The following SLC25A48 variants were observed in gnomAD, a reference collection of about 807,000 sequenced individuals.
SLC25A48 encodes CTC-321K16.1.
Under a neutral mutation model 32.2 loss-of-function variants are expected in SLC25A48, and 29 were observed. The ratio of observed to expected loss-of-function variants is 0.90; its 90% CI spans 0.67 to 1.23. The LOEUF (loss-of-function observed/expected upper bound fraction) is 1.23. SLC25A48 is among the 50% of genes most tolerant of loss of function. The pLI is 0.00. For missense variants in SLC25A48, 399 were observed against 422.7 expected, an observed-to-expected ratio of 0.94 and a Z score of 0.49; for synonymous variants, 164 against 172.3, an observed-to-expected ratio of 0.95 and a Z score of 0.38.
At chr5:135,737,099 TC>T (rs1381072735) in intron 3 of SLC25A48, among the ~76,000 whole-genome samples, 3 of 152,178 alleles carry the variant, frequency 2.0e-5, no homozygotes, top group African/African-American at 7.2e-5. Flanking sequence ...TTCACTCACG[TC>T]CGTGTGAAGA....
chr5:135,670,789 CTCTG>C (rs1394631586), intron 3 of SLC25A48, among the ~76,000 whole-genome samples: 1 of 152,198 alleles, frequency 6.6e-6, no homozygotes, highest in Non-Finnish European at 1.5e-5. Flanking sequence ...CTTTGCCTGT[CTCTG>C]TCTGTAATTG....
chr5:135,642,729 G>T (rs1752868132), intron 3 of SLC25A48, among the ~76,000 whole-genome samples: 1 of 152,168 alleles, frequency 6.6e-6, no homozygotes, highest in Admixed American at 6.5e-5. Flanking sequence ...TGCAGGAGTG[G>T]TTTGGTCAAA....
intron 2 of SLC25A48, among the ~76,000 whole-genome samples, chr5:135,843,346 C>A (rs775064151): frequency 2.4e-4 from 37 of 152,116 alleles, no homozygotes; most frequent in South Asian, 4.1e-4. Context: ...GTTTAGGAAC[C>A]TGCCCCAGAC....
intron 3 of SLC25A48, among the ~76,000 whole-genome samples, chr5:135,764,544 G>A (rs1271271260): frequency 6.6e-6 from 1 of 151,616 alleles, no homozygotes; most frequent in African/African-American, 2.4e-5. Flanking sequence ...GTGTGATATT[G>A]TTCGTAATAT....
intron 1 of SLC25A48, among the ~76,000 whole-genome samples, chr5:135,600,436 G>A (rs553673774): frequency 6.6e-6 from 1 of 152,260 alleles, no homozygotes; most frequent in Non-Finnish European, 1.5e-5. Flanking sequence ...CTTTTCCACC[G>A]AATGGCTGGG....
chr5:135,695,719 G>A (rs958818687), intron 3 of SLC25A48, among the ~76,000 whole-genome samples: 2 of 152,148 alleles, frequency 1.3e-5, no homozygotes, highest in Non-Finnish European at 2.9e-5. Context: ...GACCCCAGCC[G>A]GAGGACAGAG....
chr5:135,823,434 A>G (rs764722159), intron 4 of SLC25A48, among the ~76,000 whole-genome samples: 5 of 152,046 alleles, frequency 3.3e-5, no homozygotes, highest in Non-Finnish European at 7.4e-5. Flanking sequence ...TCTCCCTCCT[A>G]TCACCATGGA....
rs188442001 is a variant in SLC25A48 at position 135,722,916 on chromosome 5, A to G, written c.-521+87960A>G. On this transcript the variant is annotated intron_variant, in intron 3 of 10. Coordinates refer to the SLC25A48 transcript ENST00000646290. ...CCCAGGCAGAGTCCATAGGCCATCTAGAGGGAATGAAGCGCTCCATGCTGG... is the reference window on the plus strand; with the variant it reads ...CCCAGGCAGAGTCCATAGGCCATCTGGAGGGAATGAAGCGCTCCATGCTGG... Among the ~76,000 whole-genome samples the G allele has an allele frequency of 2.8e-3, 434 of 152,348 alleles. 3 individuals carry two copies. The highest frequency in any genetic ancestry group is 0.017 in the Middle Eastern group (5 of 294).
Position 135,886,618 on chromosome 5 carries a change from T to TA in SLC25A48, c.*8-1413dup, listed in dbSNP as rs1280037113. Among the ~76,000 whole-genome samples the TA allele has an allele frequency of 5.6e-4, 12 of 21,466 alleles. No homozygotes were observed. In the East Asian group the frequency reaches 9.1e-3, roughly 16 times the overall value. The allele number at this position is 21,466 out of a possible 152,430, so 14.1% of individuals were successfully genotyped here. Reference sequence around the variant, plus strand: ...ATATATATATATATATATATATATATATATATATATATATATATAAAATAT... The same window carrying TA: ...ATATATATATATATATATATATATATAATATATATATATATATATAAAATAT... On this transcript the variant is annotated intron_variant, in intron 7 of 7. Transcript: ENST00000681962.
At chr5:135,877,818 T>C (rs188854217) in intron 6 of SLC25A48, among the ~76,000 whole-genome samples, 331 of 152,108 alleles carry the variant, frequency 2.2e-3, no homozygotes, top group African/African-American at 7.8e-3. Flanking sequence ...ATCATCCACC[T>C]GGGGGTGGCC....
intron 3 of SLC25A48, among the ~76,000 whole-genome samples, chr5:135,802,107 G>A (rs1231773539): frequency 6.6e-6 from 1 of 151,758 alleles, no homozygotes; most frequent in African/African-American, 2.4e-5. Flanking sequence ...GGGAAGAGAA[G>A]ATATTACTCC....
chr5:135,861,967 C>A (rs1760831988), intron 4 of SLC25A48, among the ~76,000 whole-genome samples: 1 of 152,248 alleles, frequency 6.6e-6, no homozygotes, highest in Non-Finnish European at 1.5e-5. Context: ...TGCCACTTGG[C>A]AAGCAAGGAG....
chr5:135,838,287 A>G (rs1371549946), intron 1 of SLC25A48, among the ~76,000 whole-genome samples: 1 of 152,244 alleles, frequency 6.6e-6, no homozygotes, highest in Non-Finnish European at 1.5e-5. Context: ...GTGCTGCTAA[A>G]AGCATTCAGT....
intron 3 of SLC25A48, among the ~76,000 whole-genome samples, chr5:135,804,525 AC>A (rs1757419224): frequency 6.6e-6 from 1 of 151,230 alleles, no homozygotes; most frequent in Non-Finnish European, 1.5e-5. Context: ...GTGTGCACCA[AC>A]TGTGATATTA....
At chr5:135,788,579 G>T (rs1244679393) in intron 3 of SLC25A48, among the ~76,000 whole-genome samples, 2 of 150,780 alleles carry the variant, frequency 1.3e-5, no homozygotes, top group East Asian at 4.0e-4. Context: ...GTGGAGGGTG[G>T]TGTACACACC....
At chr5:135,778,000 G>T (rs1756611565) in intron 3 of SLC25A48, among the ~76,000 whole-genome samples, 2 of 150,956 alleles carry the variant, frequency 1.3e-5, no homozygotes, top group African/African-American at 4.9e-5. Flanking sequence ...AGTCCCCTGT[G>T]ATATTGTTTC....
intron 4 of SLC25A48, among the ~76,000 whole-genome samples, chr5:135,864,200 A>C (rs138637970): frequency 6.6e-6 from 1 of 152,244 alleles, no homozygotes; most frequent in Non-Finnish European, 1.5e-5. Flanking sequence ...ATAAGGCAAA[A>C]ACATTTCTCT....
chr5:135,702,820 C>T (rs936783891), intron 3 of SLC25A48, among the ~76,000 whole-genome samples: 3 of 152,208 alleles, frequency 2.0e-5, no homozygotes, highest in African/African-American at 4.8e-5. Flanking sequence ...CACGTGTTAG[C>T]GTGGCGTGGA....
chr5:135,730,847 G>T (rs919893851), intron 3 of SLC25A48, among the ~76,000 whole-genome samples: 1 of 152,218 alleles, frequency 6.6e-6, no homozygotes, highest in Non-Finnish European at 1.5e-5. Flanking sequence ...TGCCTAGAAG[G>T]TGAGTATCAT....
Sources: gnomAD v4.1 joint callset for allele counts (sites outside exome capture counted in the v4.1 genomes callset) on GRCh38, gnomAD v4.1.1 for gene constraint, MANE v1.5 for transcripts, NCBI Gene and HGNC (gene_info 2026-07-23, HGNC 2026-07-21) for gene names.